SPATS2: variants seen among roughly 807,000 people sequenced by gnomAD.
The protein encoded by SPATS2 is spermatogenesis-associated serine-rich protein 2.
SPATS2 carries 38 observed loss-of-function variants against 63.7 expected under a neutral mutation model. That is an observed-to-expected ratio of 0.60 (90% CI 0.46 to 0.78). The LOEUF (loss-of-function observed/expected upper bound fraction) is 0.78, where lower values mean the gene tolerates loss of function less well. Among genes scored for constraint, SPATS2 ranks in the 30% least tolerant of loss-of-function variants. SPATS2 has a pLI of 0.00. For missense variants in SPATS2, 588 were observed against 666.2 expected (o/e 0.88, Z 1.29); for synonymous variants, 207 against 232.9 (o/e 0.89, Z 1.01).
chr12:49,391,054 A>G (rs1213766594), intron 2 of SPATS2, among the ~76,000 whole-genome samples: 1 of 148,956 alleles, frequency 6.7e-6, no homozygotes, highest in Non-Finnish European at 1.5e-5. Flanking sequence ...TCTGGCTCAT[A>G]GAACTCTTTT....
intron 2 of SPATS2, among the ~76,000 whole-genome samples, chr12:49,398,352 A>G (rs1592359207): frequency 6.6e-6 from 1 of 152,126 alleles, no homozygotes; most frequent in East Asian, 1.9e-4. Flanking sequence ...TCAATGTAGA[A>G]GGATCCCCTC....
chr12:49,496,245 C>T (rs1194175343), intron 7 of SPATS2, among the ~76,000 whole-genome samples: 2 of 152,078 alleles, frequency 1.3e-5, no homozygotes, highest in Non-Finnish European at 2.9e-5. Context: ...TAACTTATTA[C>T]ACTTCTATCC....
At chr12:49,500,295 A>T in intron 9 of SPATS2, 90 bp downstream of exon 9, 1 of 1,356,096 alleles carries the variant, frequency 7.4e-7, no homozygotes, top group Non-Finnish European at 9.9e-7. Flanking sequence ...TCATTCATTC[A>T]TGACTAACTA....
chr12:49,496,972 G>C lies in SPATS2; in HGVS notation c.666G>C (p.Gly222=). 1 of 1,595,118 alleles carries C rather than the reference G, an allele frequency of 6.3e-7. No individual in the cohort carries two copies. Among genetic ancestry groups the C allele is most frequent in the South Asian group, 1.1e-5 (1 of 88,272 alleles). ...CAGAAACTCAGTTTTCAAATATGGG[G>C]ATGGAAGATGTTCCCCTCGCCACCA... is the stretch of plus-strand genomic sequence containing the variant. ...PTTETQFSNM[G]MEDVPLATSK... The change falls in exon 8 of 14, where the codon GGG becomes GGC. Residue 222 remains glycine, a synonymous_variant. Coordinates refer to ENST00000552918, the MANE Select transcript of SPATS2 (RefSeq NM_023071.4).
chr12:49,404,347 T>C (rs1944659736), intron 2 of SPATS2, among the ~76,000 whole-genome samples: 1 of 151,242 alleles, frequency 6.6e-6, no homozygotes, highest in Non-Finnish European at 1.5e-5. Flanking sequence ...GGTGTGGTTG[T>C]GTGATCTTAG....
chr12:49,423,707 G>GTT (rs780769700), intron 2 of SPATS2, among the ~76,000 whole-genome samples: 10 of 152,102 alleles, frequency 6.6e-5, no homozygotes, highest in Non-Finnish European at 1.0e-4. Flanking sequence ...TTCAATCAAT[G>GTT]GATTTAAAGA....
chr12:49,403,957 A>C (rs1332019929), intron 2 of SPATS2, among the ~76,000 whole-genome samples: 1 of 152,230 alleles, frequency 6.6e-6, no homozygotes, highest in Non-Finnish European at 1.5e-5. Context: ...GTGTCCTGAC[A>C]GGTTCCAGAA....
chr12:49,368,253 G>A (rs1298542191), intron 1 of SPATS2, among the ~76,000 whole-genome samples: 1 of 152,172 alleles, frequency 6.6e-6, no homozygotes. Flanking sequence ...CTGTTAAGGA[G>A]TACAAGCCGT....
chr12:49,496,360 G>T (rs11615383), intron 7 of SPATS2, among the ~76,000 whole-genome samples: 8,269 of 152,278 alleles, frequency 0.054, 321 homozygotes, highest in Non-Finnish European at 0.077. Flanking sequence ...TGATCCTTCT[G>T]CCTCAGCTTC....
chr12:49,429,725 G>A (rs1945145545), intron 2 of SPATS2, among the ~76,000 whole-genome samples: 1 of 151,234 alleles, frequency 6.6e-6, no homozygotes, highest in Non-Finnish European at 1.5e-5. Flanking sequence ...CAAAGTGCTG[G>A]GATTACAAGC....
chr12:49,443,884 T>TAA (rs2137567573), intron 2 of SPATS2, among the ~76,000 whole-genome samples: 1 of 152,330 alleles, frequency 6.6e-6, no homozygotes, highest in Non-Finnish European at 1.5e-5. Flanking sequence ...TCTTCATGAC[T>TAA]GTAGCTTTAT....
At chr12:49,426,221 G>A (rs1316598652) in intron 2 of SPATS2, among the ~76,000 whole-genome samples, 1 of 147,978 alleles carries the variant, frequency 6.8e-6, no homozygotes. Flanking sequence ...TTTTTTTGAT[G>A]TGTAATACAC....
At chr12:49,402,455 G>A (rs887238521) in intron 2 of SPATS2, among the ~76,000 whole-genome samples, 1 of 152,178 alleles carries the variant, frequency 6.6e-6, no homozygotes, top group African/African-American at 2.4e-5. Context: ...TGATTGGAGA[G>A]TAGAGTGCAG....
intron 8 of SPATS2, among the ~76,000 whole-genome samples, chr12:49,499,391 G>GT (rs1555191368): frequency 6.8e-6 from 1 of 146,444 alleles, no homozygotes; most frequent in African/African-American, 2.5e-5. Flanking sequence ...GTTCTGCCTG[G>GT]TTGTTTTGTT....
At chr12:49,430,908 C>T (rs535405386) in intron 2 of SPATS2, among the ~76,000 whole-genome samples, 3 of 152,148 alleles carry the variant, frequency 2.0e-5, no homozygotes, top group East Asian at 1.9e-4. Flanking sequence ...CCATGTTGGC[C>T]GGGCTAATCT....
intron 2 of SPATS2, among the ~76,000 whole-genome samples, chr12:49,407,073 A>G (rs1944710303): frequency 2.0e-5 from 3 of 152,280 alleles, no homozygotes; most frequent in South Asian, 4.1e-4. Flanking sequence ...ACTTGGGACA[A>G]AAACCTTGGA....
intron 10 of SPATS2, among the ~76,000 whole-genome samples, chr12:49,515,101 T>TA (rs1946816415): frequency 6.6e-6 from 1 of 152,184 alleles, no homozygotes; most frequent in African/African-American, 2.4e-5. Context: ...GGGGAAAAGT[T>TA]AGAGAATTGA....
intron 2 of SPATS2, among the ~76,000 whole-genome samples, chr12:49,423,698 T>C (rs1945023135): frequency 6.6e-6 from 1 of 152,210 alleles, no homozygotes; most frequent in South Asian, 2.1e-4. Context: ...TCTGATGCTT[T>C]CAATCAATGG....
chr12:49,465,330 T>C (rs1248545175), intron 3 of SPATS2, among the ~76,000 whole-genome samples: 1 of 152,086 alleles, frequency 6.6e-6, no homozygotes, highest in Non-Finnish European at 1.5e-5. Context: ...GGATTTCATA[T>C]TTTCCATATC....
Sources: allele counts gnomAD v4.1 joint callset (sites outside exome capture counted in the v4.1 genomes callset), GRCh38; gene constraint gnomAD v4.1.1; transcripts MANE v1.5; gene names NCBI Gene and HGNC (gene_info 2026-07-23, HGNC 2026-07-21).